ADGRL4: variants seen among roughly 807,000 people sequenced by gnomAD.
ADGRL4 encodes the protein EGF, latrophilin and seven transmembrane domain containing 1.
Under a neutral mutation model 74.8 loss-of-function variants are expected in ADGRL4, and 90 were observed. The observed-to-expected ratio is 1.20, with a 90% CI of 1.02 to 1.43. The LOEUF (loss-of-function observed/expected upper bound fraction) is 1.43, where lower values mean the gene tolerates loss of function less well. Ranked by LOEUF, ADGRL4 falls within the 40% of genes most tolerant of loss-of-function variation. The probability of loss-of-function intolerance (pLI) is 0.00; values close to 1 mark genes in which losing one functional copy is unlikely to be tolerated. For missense variants in ADGRL4, 881 were observed against 814.3 expected, an observed-to-expected ratio of 1.08 and a Z score of -1.00; for synonymous variants, 311 against 279.2, an observed-to-expected ratio of 1.11 and a Z score of -1.14.
intron 12 of ADGRL4, among the ~76,000 whole-genome samples, chr1:78,898,004 T>TA (rs1648432992): frequency 6.6e-6 from 1 of 152,108 alleles, no homozygotes. Flanking sequence ...TGAGTTTATG[T>TA]ACCTAGAGGT....
intron 7 of ADGRL4, among the ~76,000 whole-genome samples, chr1:78,934,373 C>G (rs1367581407): frequency 1.3e-5 from 2 of 152,072 alleles, no homozygotes; most frequent in African/African-American, 4.8e-5. Flanking sequence ...AAATGGGACC[C>G]CTTCCTTACA....
rs893276104 is a variant in ADGRL4 at position 78,988,216 on chromosome 1, T to C, written c.172+16854A>G. ...CATTTTAGAAAACTTAAGTTGATGA[T>C]CAGCTTTTTGACAATTAATTTGAAA... On this transcript the variant is annotated intron_variant, in intron 2 of 14. Coordinates refer to ENST00000370742, the MANE Select transcript of ADGRL4 (RefSeq NM_022159.4). Among the ~76,000 whole-genome samples, 3 of 151,888 alleles carry C rather than the reference T, an allele frequency of 2.0e-5. No individual in the cohort carries two copies. The South Asian group carries it at 6.2e-4, about 31-fold the overall frequency.
chr1:78,968,691 T>C (rs1650109259), intron 2 of ADGRL4, among the ~76,000 whole-genome samples: 1 of 152,172 alleles, frequency 6.6e-6, no homozygotes, highest in South Asian at 2.1e-4. Context: ...CTAGCTGGAC[T>C]GATAGGGAAA....
At chr1:78,946,659 AGATAT>A (rs1649607362) in intron 2 of ADGRL4, among the ~76,000 whole-genome samples, 1 of 152,184 alleles carries the variant, frequency 6.6e-6, no homozygotes, top group South Asian at 2.1e-4. Context: ...TAAAAGCACT[AGATAT>A]AACTATTAAA....
rs371934912 is a variant in ADGRL4 at position 78,917,747 on chromosome 1, T to A, written c.1683-47A>T. 9.5e-6 allele frequency: 15 copies of A among 1,586,810 alleles called. No individual in the cohort carries two copies. The Admixed American group carries it at 2.6e-4, about 27-fold the overall frequency. ...GAATCTATAAATATGTTTGCATGTATGTTAACATAGCAAAATTATCAAAGA... is the reference window on the plus strand; with the variant it reads ...GAATCTATAAATATGTTTGCATGTAAGTTAACATAGCAAAATTATCAAAGA... On this transcript the variant is annotated intron_variant, in intron 11 of 14. Transcript: ENST00000370742.
In ADGRL4 at chr1:78,910,846, G is replaced by T. The variant is rs191363934; in HGVS notation, c.1749+6788C>A. On this transcript the variant is annotated intron_variant, in intron 12 of 14. Transcript: ENST00000370742. ...TTTTAAATGTAGTGATTCATAGATA[G>T]AATCAATGAGGTCACTGGTTCATAT... 2.2e-4 allele frequency among the ~76,000 whole-genome samples: 34 copies of T among 151,858 alleles called. No homozygotes were observed. In the South Asian group the frequency reaches 4.4e-3, roughly 19 times the overall value.
intron 12 of ADGRL4, among the ~76,000 whole-genome samples, chr1:78,899,299 T>C (rs1648469231): frequency 6.6e-6 from 1 of 152,208 alleles, no homozygotes; most frequent in South Asian, 2.1e-4. Context: ...TGAATAGCCA[T>C]ATACAGCAGC....
chr1:78,991,059 A>G (rs1265989778), intron 2 of ADGRL4, among the ~76,000 whole-genome samples: 1 of 151,708 alleles, frequency 6.6e-6, no homozygotes, highest in African/African-American at 2.4e-5. Flanking sequence ...TTTAATTATC[A>G]AAAATGCATA....
chr1:78,945,164 C>CA lies in ADGRL4; in HGVS notation c.325+1109dup, dbSNP rs57419194. Reference sequence around the variant, plus strand: ...TGGGCGACAGAGCGAGACTCTGTCTCAAAAAAAAAAAAAATATATATATAT... The same window carrying CA: ...TGGGCGACAGAGCGAGACTCTGTCTCAAAAAAAAAAAAAAATATATATATAT... On this transcript the variant is annotated intron_variant, in intron 3 of 14. Transcript: ENST00000370742. Among the ~76,000 whole-genome samples the CA allele has an allele frequency of 2.0e-3, 231 of 116,540 alleles. 1 individual carries two copies. Among genetic ancestry groups the CA allele is most frequent in the South Asian group, 8.8e-3 (29 of 3,308 alleles). 76.5% of individuals were successfully genotyped at this position (116,540 alleles called of 152,430 possible). A position where few individuals can be genotyped will look rare whatever the true frequency, so the allele number is the denominator to read the frequency against.
At chr1:78,938,568 G>A (rs981093748) in intron 4 of ADGRL4, among the ~76,000 whole-genome samples, 1 of 152,054 alleles carries the variant, frequency 6.6e-6, no homozygotes, top group East Asian at 1.9e-4. Context: ...CTATTCTTCA[G>A]TATAGAATTA....
chr1:78,943,181 A>C (rs1649527984), intron 3 of ADGRL4, among the ~76,000 whole-genome samples: 1 of 152,194 alleles, frequency 6.6e-6, no homozygotes, highest in African/African-American at 2.4e-5. Context: ...GCTAGAAAAA[A>C]AAATCTACAA....
At chr1:78,918,599 C>T (rs770155788) in intron 10 of ADGRL4, among the ~76,000 whole-genome samples, 2 of 151,746 alleles carry the variant, frequency 1.3e-5, no homozygotes, top group Non-Finnish European at 2.9e-5. Context: ...TTTGAGATGG[C>T]TTTCACTTAA....
At chr1:78,989,574 C>A (rs868298408) in intron 2 of ADGRL4, among the ~76,000 whole-genome samples, 1 of 151,304 alleles carries the variant, frequency 6.6e-6, no homozygotes, top group Non-Finnish European at 1.5e-5. Context: ...TAGGTATGTC[C>A]CGAAGTGCCC....
intron 2 of ADGRL4, among the ~76,000 whole-genome samples, chr1:78,949,180 G>C (rs544464546): frequency 6.1e-4 from 93 of 152,152 alleles, no homozygotes; most frequent in African/African-American, 2.1e-3. Flanking sequence ...GAGGTCTGAG[G>C]TATTGGTTGG....
In ADGRL4 at chr1:78,961,444, A is replaced by G. The variant is rs918452491; in HGVS notation, c.173-15018T>C. 4.6e-5 allele frequency among the ~76,000 whole-genome samples: 7 copies of G among 152,172 alleles called. No individual in the cohort carries two copies. The East Asian group carries it at 1.2e-3, about 25-fold the overall frequency. On this transcript the variant is annotated intron_variant, in intron 2 of 14. Transcript: ENST00000370742. ...GCGTGAGTACTTCAGTATGTTTTAA[A>G]GTGCGGTAATGATCTGCTACTTTGA...
At chr1:78,954,197 G>C (rs1335064476) in intron 2 of ADGRL4, among the ~76,000 whole-genome samples, 2 of 151,958 alleles carry the variant, frequency 1.3e-5, no homozygotes, top group Non-Finnish European at 2.9e-5. Context: ...TCTGCACCTA[G>C]TAGGGTTCAT....
At chr1:78,957,748 T>G (rs1649864911) in intron 2 of ADGRL4, among the ~76,000 whole-genome samples, 1 of 152,224 alleles carries the variant, frequency 6.6e-6, no homozygotes, top group South Asian at 2.1e-4. Context: ...GAAATCTGGC[T>G]AAGATAATTG....
At chr1:78,981,363 C>T (rs1200027591) in intron 2 of ADGRL4, among the ~76,000 whole-genome samples, 1 of 151,970 alleles carries the variant, frequency 6.6e-6, no homozygotes, top group African/African-American at 2.4e-5. Flanking sequence ...GAAACCATGA[C>T]TTTATCATGC....
At chr1:78,984,692 C>T (rs1018619922) in intron 2 of ADGRL4, among the ~76,000 whole-genome samples, 1 of 150,724 alleles carries the variant, frequency 6.6e-6, no homozygotes, top group African/African-American at 2.5e-5. Context: ...TCTTAAAAAA[C>T]ACACACACAC....
Sources: allele counts gnomAD v4.1 joint callset (sites outside exome capture counted in the v4.1 genomes callset), GRCh38; gene constraint gnomAD v4.1.1; transcripts MANE v1.5; gene names NCBI Gene and HGNC (gene_info 2026-07-23, HGNC 2026-07-21).